Variants in PKHD1 observed in about 807,000 individuals in gnomAD.
The protein encoded by PKHD1 is PKHD1 ciliary IPT domain containing fibrocystin/polyductin.
Under a neutral mutation model 412.0 loss-of-function variants are expected in PKHD1, and 291 were observed. The ratio of observed to expected loss-of-function variants is 0.71; its 90% CI spans 0.64 to 0.78. The LOEUF (loss-of-function observed/expected upper bound fraction) is 0.78, where lower values mean the gene tolerates loss of function less well. PKHD1 is among the 30% of genes least tolerant of loss of function. The pLI, the probability that PKHD1 is intolerant of heterozygous loss-of-function variation, is 0.00. For synonymous variants in PKHD1, 1,777 were observed against 1,821.5 expected (o/e 0.98, Z 0.62); for missense variants, 4,825 against 4,950.7 (o/e 0.97, Z 0.76).
intron 8 of PKHD1, among the ~76,000 whole-genome samples, chr6:52,071,611 A>T (rs964528553): frequency 7.9e-5 from 12 of 152,076 alleles, no homozygotes; most frequent in African/African-American, 2.7e-4. Flanking sequence ...TTATTTCTAA[A>T]TTTTTTATTA....
chr6:51,768,833 T>G (rs984016969), intron 55 of PKHD1, among the ~76,000 whole-genome samples: 2 of 151,688 alleles, frequency 1.3e-5, no homozygotes, highest in Non-Finnish European at 3.0e-5. Context: ...CCAGTGCTTC[T>G]CAACTAATGG....
intron 60 of PKHD1, among the ~76,000 whole-genome samples, chr6:51,697,305 T>C (rs542694705): frequency 1.1e-4 from 17 of 152,260 alleles, no homozygotes; most frequent in Non-Finnish European, 2.2e-4. Context: ...ATGAAATTTG[T>C]GTTAGATTAG....
Position 51,619,394 on chromosome 6 carries a change from C to G in PKHD1, c.11912G>C (p.Gly3971Ala). Residue 3971 changes from glycine (G) to alanine (A), a missense_variant, in exon 67 of 67, where the codon GGT becomes GCT. Gly to Ala is a moderately conservative substitution (Grantham distance 60). Coordinates refer to ENST00000371117, the MANE Select transcript of PKHD1 (RefSeq NM_138694.4). ...CCCATGGGATGTGATGCCAGTAGTA[C>G]CAGGAGCAGGCACAGCAGCCTCTTC... The part of the protein sequence containing the change: ...REEEAAVPAP[G>A]TTGITSHGHI... 6.2e-7 allele frequency: 1 copy of G among 1,613,700 alleles called. No individual in the cohort carries two copies. Among genetic ancestry groups the G allele is most frequent in the Non-Finnish European group, 8.5e-7 (1 of 1,179,586 alleles).
At position 51,781,507 on chromosome 6, in the gene PKHD1, A is replaced by T. The variant is rs78421424; in HGVS notation, c.8441-5586T>A. 2.0e-4 allele frequency among the ~76,000 whole-genome samples: 31 copies of T among 152,272 alleles called. 1 individual carries two copies. In the East Asian group the frequency reaches 6.0e-3, roughly 29 times the overall value. On this transcript the variant is annotated intron_variant, in intron 53 of 66. Transcript: ENST00000371117. Reference sequence around the variant, plus strand: ...ATTCACTACTTGCAAAATGTACAAAAATTCTGAAAACTTCCTCCATAAGGT... The same window carrying T: ...ATTCACTACTTGCAAAATGTACAAATATTCTGAAAACTTCCTCCATAAGGT...
rs147507533 is a variant in PKHD1, at chr6:51,850,371, T to C, written c.7912-2401A>G. Among the ~76,000 whole-genome samples the C allele has an allele frequency of 3.1e-3, 475 of 152,364 alleles. 6 individuals are homozygous for C. The highest frequency in any genetic ancestry group is 0.01 in the African/African-American group (430 of 41,590). ...CTTTTGCTTAGGATTGTCTTGGCTA[T>C]ACAGGGTCTTCTTCGATTCCATGTG... is the stretch of plus-strand genomic sequence containing the variant. On this transcript the variant is annotated intron_variant, in intron 49 of 66. Coordinates refer to ENST00000371117, the MANE Select transcript of PKHD1 (RefSeq NM_138694.4).
At chr6:51,682,152 A>G in intron 60 of PKHD1, 1 of 449,592 alleles carries the variant, frequency 2.2e-6, no homozygotes, top group South Asian at 1.6e-5. Flanking sequence ...ATATTCTTAG[A>G]TGCATCTTTT....
chr6:51,679,305 G>C (rs146736107), intron 60 of PKHD1, among the ~76,000 whole-genome samples: 1 of 151,990 alleles, frequency 6.6e-6, no homozygotes, highest in Non-Finnish European at 1.5e-5. Flanking sequence ...ATGTGTGTTC[G>C]CCACAAGTGC....
intron 63 of PKHD1, among the ~76,000 whole-genome samples, chr6:51,643,371 C>T (rs148289734): frequency 6.0e-5 from 9 of 149,134 alleles, no homozygotes; most frequent in Non-Finnish European, 1.3e-4. Context: ...AAGCTTCTAA[C>T]TGAACTGCCC....
In PKHD1 at chr6:52,062,531, C is replaced by CA; in HGVS notation, c.1105_1106insT (p.Gly369ValfsTer19). The CA allele has an allele frequency of 6.2e-7, 1 of 1,614,118 alleles. No homozygotes were observed. Among genetic ancestry groups the CA allele is most frequent in the Non-Finnish European group, 8.5e-7 (1 of 1,179,958 alleles). On this transcript the variant is annotated frameshift_variant, in exon 14 of 67. Coordinates refer to ENST00000371117, the MANE Select transcript of PKHD1 (RefSeq NM_138694.4). LOFTEE classifies it high-confidence loss of function. ...TCCTACAACATACCTGAAAGGTTGTCCTTCCTGTGACCAAAACCCAAATGG... is the reference window on the plus strand; with the variant it reads ...TCCTACAACATACCTGAAAGGTTGTCACTTCCTGTGACCAAAACCCAAATGG...
At chr6:51,898,845 T>C (rs928828641) in intron 43 of PKHD1, among the ~76,000 whole-genome samples, 5 of 151,422 alleles carry the variant, frequency 3.3e-5, no homozygotes, top group Admixed American at 6.6e-5. Context: ...TCACCACCGA[T>C]CCCACAGAAA....
chr6:51,791,139 G>C (rs757172487), intron 53 of PKHD1, 97 bp downstream of exon 53: 51 of 1,294,360 alleles, frequency 3.9e-5, no homozygotes, highest in Admixed American at 1.2e-4. Context: ...CCTAAACTCT[G>C]TTAAGCAACC....
chr6:51,740,013 T>C (rs753883997), intron 60 of PKHD1: 5 of 518,986 alleles, frequency 9.6e-6, no homozygotes, highest in Admixed American at 7.8e-5. Context: ...TTCAATGCTT[T>C]GTTCTTCTAA....
At chr6:51,741,042 T>C (rs887416668) in intron 60 of PKHD1, 3 of 514,616 alleles carry the variant, frequency 5.8e-6, no homozygotes, top group Non-Finnish European at 1.2e-5. Flanking sequence ...AAATCGTGTG[T>C]AATATGATAT....
intron 48 of PKHD1, among the ~76,000 whole-genome samples, chr6:51,866,729 T>A (rs1054742710): frequency 3.9e-5 from 6 of 152,188 alleles, no homozygotes; most frequent in Admixed American, 6.6e-5. Context: ...CTAATTTTTA[T>A]AACTCTCAAA....
At chr6:51,744,588 G>A in intron 59 of PKHD1, 46 bp from the exon 60 acceptor site, 2 of 1,504,344 alleles carry the variant, frequency 1.3e-6, no homozygotes, top group Non-Finnish European at 1.8e-6. Flanking sequence ...ATGATAAGCA[G>A]CAAGAAGAAA....
chr6:51,732,175 C>T (rs1783311938), intron 60 of PKHD1, among the ~76,000 whole-genome samples: 1 of 152,112 alleles, frequency 6.6e-6, no homozygotes, highest in Admixed American at 6.5e-5. Context: ...CTAAGTCACA[C>T]TGGTGCATTA....
rs1562174999 is a variant in PKHD1, at chr6:52,027,837, G to C, written c.3620C>G (p.Ser1207Cys). Residue 1207 changes from serine to cysteine, a missense_variant, in exon 31 of 67, where the codon TCC (serine) becomes TGC (cysteine). Physicochemically the swap from Ser to Cys is moderately radical, Grantham distance 112 (BLOSUM62 -1). Coordinates refer to ENST00000371117, the MANE Select transcript of PKHD1 (RefSeq NM_138694.4). ...EVFSIEPCCG[S>C]LLGGTILSIS... ...ACATAAGAGCCACTCACCCAGCAGG[G>C]ACCCACAGCAAGGCTCGATGCTGAA... The C allele has an allele frequency of 1.9e-6, 3 of 1,610,372 alleles. No individual in the cohort carries two copies. In the South Asian group the frequency reaches 3.3e-5, roughly 18 times the overall value.
intron 46 of PKHD1, among the ~76,000 whole-genome samples, 178 bp downstream of exon 46, chr6:51,882,915 A>G (rs1277408044): frequency 6.6e-6 from 1 of 152,220 alleles, no homozygotes; most frequent in Non-Finnish European, 1.5e-5. Context: ...TGTATATATG[A>G]GTTCTATTAT....
chr6:51,666,695 TCCCCCCA>T (rs1162242959), intron 60 of PKHD1, among the ~76,000 whole-genome samples: 3 of 86,020 alleles, frequency 3.5e-5, no homozygotes, highest in Non-Finnish European at 6.4e-5. Context: ...CCCTCCCCCC[TCCCCCCA>T]CCCCACAACA....
Sources: allele counts gnomAD v4.1 joint callset (sites outside exome capture counted in the v4.1 genomes callset), GRCh38; gene constraint gnomAD v4.1.1; transcripts MANE v1.5; gene names NCBI Gene and HGNC (gene_info 2026-07-23, HGNC 2026-07-21).